Variants in DUSP22 observed in about 807,000 individuals in gnomAD.
DUSP22 encodes dual specificity protein phosphatase 22.
DUSP22 carries 24 observed loss-of-function variants against 24.5 expected under a neutral mutation model. The observed-to-expected ratio is 0.98, with a 90% CI of 0.71 to 1.38. The LOEUF is 1.38. DUSP22 is among the 40% of genes most tolerant of loss of function. The pLI, the probability that DUSP22 is intolerant of heterozygous loss-of-function variation, is 0.00. For synonymous variants in DUSP22, 160 were observed against 106.4 expected (o/e 1.50, Z -3.10); for missense variants, 330 against 269.2 (o/e 1.23, Z -1.58).
intron 1 of DUSP22, among the ~76,000 whole-genome samples, chr6:292,847 T>G (rs778176928): frequency 2.7e-4 from 41 of 152,246 alleles, no homozygotes; most frequent in Non-Finnish European, 5.3e-4. Flanking sequence ...GCGTTGACAC[T>G]TGTTCTGCCG....
intron 2 of DUSP22, among the ~76,000 whole-genome samples, chr6:311,605 G>A (rs933198896): frequency 2.6e-5 from 4 of 152,412 alleles, no homozygotes; most frequent in East Asian, 3.9e-4. Flanking sequence ...GTGTGAACCC[G>A]GGAGGCGGAG....
chr6:344,820 T>C (rs939763084), intron 4 of DUSP22, among the ~76,000 whole-genome samples: 40 of 152,396 alleles, frequency 2.6e-4, no homozygotes, highest in Non-Finnish European at 1.3e-4. Context: ...AGAATGCTTT[T>C]AGATTTTCCA....
rs990604087 is a variant in DUSP22, at chr6:350,620, A to G, written c.*1669A>G. 255 of 1,452,730 alleles carry G rather than the reference A, an allele frequency of 1.8e-4. No individual in the cohort carries two copies. The highest frequency in any genetic ancestry group is 2.1e-4 in the Non-Finnish European group (229 of 1,104,902). 90.0% of individuals were successfully genotyped at this position (1,452,730 alleles called of 1,614,324 possible). The stretch of plus-strand genomic sequence containing the variant: ...GAAAGGGGAGTGTGGCTGTAGAATC[A>G]TCCATCCGTCTACAGCTAAAACAAT... On this transcript the variant is annotated 3_prime_UTR_variant, in exon 7 of 7. Transcript: ENST00000419235.
chr6:326,909 A>G (rs1758907196), intron 3 of DUSP22, among the ~76,000 whole-genome samples: 1 of 152,304 alleles, frequency 6.6e-6, no homozygotes, highest in South Asian at 2.1e-4. Flanking sequence ...GTGCAAAACA[A>G]GCTGTCACCA....
intron 3 of DUSP22, among the ~76,000 whole-genome samples, chr6:317,784 G>A (rs1173854242): frequency 6.6e-6 from 1 of 152,306 alleles, no homozygotes; most frequent in Non-Finnish European, 1.5e-5. Context: ...AGCACGCAGG[G>A]GCCCCTCTGC....
At chr6:326,856 GT>G (rs1241958406) in intron 3 of DUSP22, among the ~76,000 whole-genome samples, 1 of 152,310 alleles carries the variant, frequency 6.6e-6, no homozygotes, top group Non-Finnish European at 1.5e-5. Context: ...AGAAGGTGGT[GT>G]GCTGTATCAG....
intron 1 of DUSP22, among the ~76,000 whole-genome samples, chr6:298,862 C>A (rs1561645538): frequency 6.6e-6 from 1 of 152,288 alleles, no homozygotes; most frequent in African/African-American, 2.4e-5. Context: ...CAGATGCACC[C>A]TCTGCTGCAA....
chr6:322,834 G>GA (rs1758669292), intron 3 of DUSP22, among the ~76,000 whole-genome samples: 1 of 47,968 alleles, frequency 2.1e-5, no homozygotes, highest in Non-Finnish European at 4.2e-5. Flanking sequence ...GCTTGGTGGG[G>GA]CGGGGGGGGG....
chr6:297,023 G>T (rs1194192359), intron 1 of DUSP22, among the ~76,000 whole-genome samples: 1 of 152,248 alleles, frequency 6.6e-6, no homozygotes, highest in Non-Finnish European at 1.5e-5. Flanking sequence ...CACTTCAGTG[G>T]GTGCATCTTG....
At position 351,086 on chromosome 6, in the gene DUSP22, T is replaced by C; in HGVS notation, c.*2135T>C. 1 of 732,782 alleles carries C rather than the reference T, an allele frequency of 1.4e-6. No homozygotes were observed. Among genetic ancestry groups the C allele is most frequent in the Non-Finnish European group, 2.1e-6 (1 of 465,974 alleles). 45.4% of individuals were successfully genotyped at this position (732,782 alleles called of 1,614,324 possible). The stretch of plus-strand genomic sequence containing the variant: ...TTATCCCCACTGCTGTGGAGGTTTC[T>C]GTACCTCGCTTGGATGCCTGTAAGG... On this transcript the variant is annotated 3_prime_UTR_variant, in exon 7 of 7. Transcript: ENST00000419235.
chr6:304,476 G>T (rs1369587838), intron 1 of DUSP22, 152 bp from the exon 2 acceptor site: 2 of 1,174,896 alleles, frequency 1.7e-6, no homozygotes, highest in Admixed American at 3.4e-5. Context: ...GGCCGCTGGG[G>T]ATGTTGGGTC....
chr6:305,055 A>G (rs1484846140), intron 2 of DUSP22, among the ~76,000 whole-genome samples: 1 of 152,304 alleles, frequency 6.6e-6, no homozygotes, highest in African/African-American at 2.4e-5. Flanking sequence ...ATAATACTCC[A>G]TTGTGTGCAT....
chr6:331,050 T>A (rs1319573150), intron 3 of DUSP22, among the ~76,000 whole-genome samples: 11 of 152,424 alleles, frequency 7.2e-5, no homozygotes, highest in African/African-American at 2.4e-4. Flanking sequence ...TCATCGCTGC[T>A]CTTTCTTTGT....
At chr6:338,680 T>C (rs113891171) in intron 4 of DUSP22, among the ~76,000 whole-genome samples, 1,382 of 151,912 alleles carry the variant, frequency 9.1e-3, no homozygotes, top group Middle Eastern at 0.031. Context: ...AGTTTCTCTA[T>C]TCAATGATAA....
chr6:350,185 A>G lies in DUSP22; in HGVS notation c.*1234A>G, dbSNP rs925196286. The G allele has an allele frequency of 3.0e-6, 3 of 986,110 alleles. No homozygotes were observed. In the African/African-American group the frequency reaches 5.2e-5, roughly 17 times the overall value. 61.1% of individuals were successfully genotyped at this position (986,110 alleles called of 1,614,324 possible). ...TTCGGTCATGATTGCTTTTGAAACC[A>G]AAGGGGAAGGTACCGATATCATTGA... is the stretch of plus-strand genomic sequence containing the variant. On this transcript the variant is annotated 3_prime_UTR_variant, in exon 7 of 7. Coordinates refer to ENST00000419235, the MANE Select transcript of DUSP22 (RefSeq NM_001286555.3).
At chr6:315,404 C>T (rs1199092528) in intron 3 of DUSP22, among the ~76,000 whole-genome samples, 1 of 152,310 alleles carries the variant, frequency 6.6e-6, no homozygotes, top group Admixed American at 6.5e-5. Flanking sequence ...AAAGGACTTG[C>T]CTGGGATTCC....
chr6:348,801 G>A lies in DUSP22; in HGVS notation c.468G>A (p.Glu156=). 1 of 1,614,316 alleles carries A rather than the reference G, an allele frequency of 6.2e-7. No individual in the cohort carries two copies. The highest frequency in any genetic ancestry group is 8.5e-7 in the Non-Finnish European group (1 of 1,180,060). ...YRQWLKEEYG[E]SPLQDAEEAK... ...AGTGGCTGAAGGAAGAATATGGAGA[G>A]AGCCCTTTGCAGGATGCAGAAGAAG... The change falls in exon 7 of 7, where the codon GAG becomes GAA. Residue 156 remains glutamate, a synonymous_variant. Transcript: ENST00000419235.
chr6:304,051 G>A (rs1471517508), intron 1 of DUSP22, among the ~76,000 whole-genome samples: 1 of 152,304 alleles, frequency 6.6e-6, no homozygotes, highest in Non-Finnish European at 1.5e-5. Flanking sequence ...GCCTGGGGCT[G>A]GGGAGGCAGC....
At chr6:322,825 C>T (rs1254780590) in intron 3 of DUSP22, among the ~76,000 whole-genome samples, 2 of 48,716 alleles carry the variant, frequency 4.1e-5, no homozygotes, top group African/African-American at 1.8e-4. Context: ...GTTATGGCTG[C>T]TTGGTGGGGC....
Sources: gnomAD v4.1 joint callset for allele counts (sites outside exome capture counted in the v4.1 genomes callset) on GRCh38, gnomAD v4.1.1 for gene constraint, MANE v1.5 for transcripts, NCBI Gene and HGNC (gene_info 2026-07-23, HGNC 2026-07-21) for gene names.